DNAJC12: variants seen among roughly 807,000 people sequenced by gnomAD.
The protein encoded by DNAJC12 is DnaJ heat shock protein family (Hsp40) member C12, also known as dnaJ homolog subfamily C member 12.
Under a neutral mutation model 28.5 loss-of-function variants are expected in DNAJC12, and 25 were observed. The observed-to-expected ratio is 0.88, with a 90% CI of 0.64 to 1.22. The LOEUF (loss-of-function observed/expected upper bound fraction) is 1.22, where lower values mean the gene tolerates loss of function less well. Ranked by LOEUF, DNAJC12 falls within the 50% of genes most tolerant of loss-of-function variation. The probability of loss-of-function intolerance (pLI) is 0.00; values close to 1 mark genes in which losing one functional copy is unlikely to be tolerated. For missense variants in DNAJC12, 222 were observed against 231.7 expected, an observed-to-expected ratio of 0.96 and a Z score of 0.27; for synonymous variants, 77 against 80.6, an observed-to-expected ratio of 0.95 and a Z score of 0.24.
In DNAJC12 at chr10:67,819,765, A is replaced by AGGGAGG. The variant is rs1315717872; in HGVS notation, c.157+3548_157+3549insCCTCCC. On this transcript the variant is annotated intron_variant, in intron 2 of 4. Transcript: ENST00000225171. Reference sequence around the variant, plus strand: ...AAGGAAGGAAGGAAGGAAGGAAGGAAGGAAGGAAGGAAGGGGAAGGAAGGA... The same window carrying AGGGAGG: ...AAGGAAGGAAGGAAGGAAGGAAGGAAGGGAGGGGAAGGAAGGAAGGGGAAGGAAGGA... 3.0e-3 allele frequency among the ~76,000 whole-genome samples: 58 copies of AGGGAGG among 19,136 alleles called. 2 individuals carry two copies. Among genetic ancestry groups the AGGGAGG allele is most frequent in the Admixed American group, 0.015 (24 of 1,618 alleles). The allele number at this position is 19,136 out of a possible 152,430, so 12.6% of individuals were successfully genotyped here.
chr10:67,797,836 C>T lies in DNAJC12; in HGVS notation c.503-626G>A, dbSNP rs1039341639. Among the ~76,000 whole-genome samples, 8 of 152,002 alleles carry T rather than the reference C, an allele frequency of 5.3e-5. No individual in the cohort carries two copies. In the East Asian group the frequency reaches 7.8e-4, roughly 15 times the overall value. On this transcript the variant is annotated intron_variant, in intron 4 of 4. Transcript: ENST00000225171. ...CGGGCGGATCACGAGGTCAGGAGATCAAGACCATCCTGGCTAACACGGTGA... is the reference window on the plus strand; with the variant it reads ...CGGGCGGATCACGAGGTCAGGAGATTAAGACCATCCTGGCTAACACGGTGA...
intron 4 of DNAJC12, 93 bp from the exon 5 acceptor site, chr10:67,797,303 G>A: frequency 1.0e-6 from 1 of 973,326 alleles, no homozygotes; most frequent in Admixed American, 2.1e-5. Flanking sequence ...TTTCACTGCA[G>A]CAGGTACAAT....
At chr10:67,806,496 A>G (rs528009682) in intron 3 of DNAJC12, among the ~76,000 whole-genome samples, 1 of 152,326 alleles carries the variant, frequency 6.6e-6, no homozygotes, top group East Asian at 1.9e-4. Flanking sequence ...AGTCATTGCC[A>G]CCAATAAATG....
chr10:67,822,685 CACA>C lies in DNAJC12; in HGVS notation c.157+626_157+628del, dbSNP rs376597448. On this transcript the variant is annotated intron_variant, in intron 2 of 4. Coordinates refer to ENST00000225171, the MANE Select transcript of DNAJC12 (RefSeq NM_021800.3). ...TTCAGGTCCCCAGTAATGAAGAAAT[CACA>C]ACAAGTTTCTCATGAAGACAACCGC... Among the ~76,000 whole-genome samples the C allele has an allele frequency of 5.9e-3, 905 of 152,158 alleles. 10 individuals carry two copies. The highest frequency in any genetic ancestry group is 0.02 in the African/African-American group (846 of 41,508).
Position 67,801,831 on chromosome 10 carries a change from T to A in DNAJC12, c.502+3752A>T, listed in dbSNP as rs765491929. On this transcript the variant is annotated intron_variant, in intron 4 of 4. Transcript: ENST00000225171. The stretch of plus-strand genomic sequence containing the variant: ...AACAATGATTCCCATCCCCTCCACT[T>A]CATTCTTTTTTTTTTTTTTTTTTTT... 7.6e-4 allele frequency among the ~76,000 whole-genome samples: 97 copies of A among 128,084 alleles called. 1 individual carries two copies. The highest frequency in any genetic ancestry group is 5.2e-3 in the South Asian group (19 of 3,668). The allele number at this position is 128,084 out of a possible 152,430, so 84.0% of individuals were successfully genotyped here.
intron 4 of DNAJC12, among the ~76,000 whole-genome samples, chr10:67,803,578 A>T (rs549241842): frequency 6.6e-6 from 1 of 152,226 alleles, no homozygotes; most frequent in South Asian, 2.1e-4. Context: ...GTAGAATCCT[A>T]TGAGAGGGGC....
At chr10:67,815,647 G>A (rs1841908899) in intron 2 of DNAJC12, among the ~76,000 whole-genome samples, 1 of 152,062 alleles carries the variant, frequency 6.6e-6, no homozygotes, top group African/African-American at 2.4e-5. Context: ...TGACGACAAT[G>A]TAAATGTCCC....
intron 1 of DNAJC12, chr10:67,833,660 C>T (rs917775694): frequency 2.6e-5 from 7 of 272,300 alleles, no homozygotes; most frequent in Non-Finnish European, 5.2e-5. Context: ...TGCTTGCGAT[C>T]GGTGGCTGCG....
intron 1 of DNAJC12, among the ~76,000 whole-genome samples, chr10:67,832,410 G>A (rs1842103487): frequency 6.6e-6 from 1 of 151,832 alleles, no homozygotes; most frequent in South Asian, 2.1e-4. Flanking sequence ...AAATAAATGA[G>A]AGATCCTCCT....
intron 1 of DNAJC12, among the ~76,000 whole-genome samples, chr10:67,835,411 G>T (rs990312807): frequency 6.6e-6 from 1 of 152,100 alleles, no homozygotes; most frequent in East Asian, 1.9e-4. Context: ...GAAGAGAAAA[G>T]CCAGGTGCGG....
At chr10:67,815,554 T>C (rs1218697888) in intron 2 of DNAJC12, among the ~76,000 whole-genome samples, 2 of 150,632 alleles carry the variant, frequency 1.3e-5, no homozygotes, top group East Asian at 3.9e-4. Context: ...ATGGGGCTAT[T>C]GAAAGCTACA....
chr10:67,820,870 G>A (rs543127240), intron 2 of DNAJC12, among the ~76,000 whole-genome samples: 4 of 129,524 alleles, frequency 3.1e-5, no homozygotes, highest in East Asian at 5.2e-4. Flanking sequence ...CGCAACCTCC[G>A]CCTCCTAGGT....
At chr10:67,823,466 T>G (rs749144175) in intron 1 of DNAJC12, 74 bp from the exon 2 acceptor site, 52 of 1,303,896 alleles carry the variant, frequency 4.0e-5, no homozygotes, top group Non-Finnish European at 5.5e-5. Context: ...TCTCAACACT[T>G]TGGGAGGCTG....
chr10:67,833,819 C>T (rs1017853996), intron 1 of DNAJC12: 5 of 502,490 alleles, frequency 1.0e-5, no homozygotes, highest in Admixed American at 8.7e-5. Context: ...GATTTGCAGG[C>T]CATTATGTTT....
At chr10:67,833,395 A>C (rs1842112122) in intron 1 of DNAJC12, among the ~76,000 whole-genome samples, 1 of 151,876 alleles carries the variant, frequency 6.6e-6, no homozygotes, top group Admixed American at 6.6e-5. Flanking sequence ...TGAGGCAAGC[A>C]GGACACCTAG....
chr10:67,817,660 T>C (rs1377215949), intron 2 of DNAJC12, among the ~76,000 whole-genome samples: 2 of 151,916 alleles, frequency 1.3e-5, no homozygotes, highest in African/African-American at 4.8e-5. Flanking sequence ...GTGGATCACT[T>C]GAGGTCAGGA....
intron 2 of DNAJC12, among the ~76,000 whole-genome samples, chr10:67,818,797 A>G (rs948728308): frequency 2.2e-4 from 34 of 151,924 alleles, no homozygotes; most frequent in African/African-American, 8.0e-4. Context: ...CTGGGATTAC[A>G]GGCATGTGCC....
chr10:67,809,206 G>C (rs1422977987), intron 3 of DNAJC12, among the ~76,000 whole-genome samples: 1 of 152,074 alleles, frequency 6.6e-6, no homozygotes, highest in East Asian at 1.9e-4. Context: ...CTTTGCTGTG[G>C]CTTCTTTTTC....
chr10:67,826,180 G>T (rs1842027574), intron 1 of DNAJC12, among the ~76,000 whole-genome samples: 1 of 149,788 alleles, frequency 6.7e-6, no homozygotes, highest in Admixed American at 6.7e-5. Context: ...TGTCACCCAG[G>T]CTGGAGTGCA....
Sources: gnomAD v4.1 joint callset for allele counts (sites outside exome capture counted in the v4.1 genomes callset) on GRCh38, gnomAD v4.1.1 for gene constraint, MANE v1.5 for transcripts, NCBI Gene and HGNC (gene_info 2026-07-23, HGNC 2026-07-21) for gene names.